Variants in EVA1A observed in about 807,000 individuals in gnomAD.
The protein encoded by EVA1A is protein eva-1 homolog A.
Under a neutral mutation model 9.8 loss-of-function variants are expected in EVA1A, and 7 were observed. That is an observed-to-expected ratio of 0.71 (90% confidence interval 0.41 to 1.34). The LOEUF is 1.34. EVA1A is among the 40% of genes most tolerant of loss of function. The pLI is 0.01. For missense variants in EVA1A, 206 were observed against 205.9 expected (o/e 1.00, Z 0.00); for synonymous variants, 90 against 85.6 (o/e 1.05, Z -0.28).
At chr2:75,553,692 A>C (rs1159930829) in intron 1 of EVA1A, among the ~76,000 whole-genome samples, 1 of 152,224 alleles carries the variant, frequency 6.6e-6, no homozygotes, top group East Asian at 1.9e-4. Context: ...CTAAATGTCC[A>C]GTCATTGTCT....
At chr2:75,502,228 C>A (rs1326171565) in intron 3 of EVA1A, among the ~76,000 whole-genome samples, 2 of 152,238 alleles carry the variant, frequency 1.3e-5, no homozygotes, top group Non-Finnish European at 2.9e-5. Context: ...AGGCAGCAAA[C>A]ATAACCCTGT....
At chr2:75,561,328 T>A (rs1192785255), upstream of EVA1A, 3 of 151,290 alleles carry the variant, frequency 2.0e-5, no homozygotes, top group African/African-American at 4.9e-5. Context: ...ATTCAGCTAC[T>A]CAACTCAGAC....
intron 2 of EVA1A, among the ~76,000 whole-genome samples, chr2:75,519,376 C>A (rs569628195): frequency 9.2e-5 from 14 of 152,222 alleles, no homozygotes; most frequent in African/African-American, 3.4e-4. Context: ...GCCTGGAGAG[C>A]GGCAGTTCCG....
chr2:75,535,295 C>CAAAAAAAAAAAAAAA (rs3081156), intron 1 of EVA1A, among the ~76,000 whole-genome samples: 1 of 92,534 alleles, frequency 1.1e-5, no homozygotes, highest in East Asian at 3.4e-4. Context: ...ATAGATATGG[C>CAAAAAAAAAAAAAAA]AAAAAAAAAA....
intron 3 of EVA1A, among the ~76,000 whole-genome samples, chr2:75,511,305 A>T (rs369340751): frequency 6.6e-6 from 1 of 152,186 alleles, no homozygotes; most frequent in Non-Finnish European, 1.5e-5. Context: ...CTACAACAGC[A>T]CTTGAACATA....
chr2:75,506,596 G>C (rs1674628653), intron 3 of EVA1A, among the ~76,000 whole-genome samples: 2 of 152,202 alleles, frequency 1.3e-5, no homozygotes. Context: ...TCTGAAACCA[G>C]AGTAGGCACA....
At chr2:75,554,081 C>T (rs541952682) in intron 1 of EVA1A, among the ~76,000 whole-genome samples, 1 of 152,110 alleles carries the variant, frequency 6.6e-6, no homozygotes, top group Non-Finnish European at 1.5e-5. Context: ...TGGAGGTGCC[C>T]AGAGAAAGAC....
chr2:75,555,356 C>G (rs548874439), intron 1 of EVA1A, among the ~76,000 whole-genome samples: 256 of 112,338 alleles, frequency 2.3e-3, no homozygotes, highest in African/African-American at 6.8e-3. Flanking sequence ...CCCCTTCTTT[C>G]CCTCTGTTTC....
At chr2:75,538,712 G>A (rs1034636663) in intron 1 of EVA1A, among the ~76,000 whole-genome samples, 11 of 152,164 alleles carry the variant, frequency 7.2e-5, no homozygotes, top group Non-Finnish European at 1.3e-4. Flanking sequence ...AATTCCAGAG[G>A]ATTATTCTGA....
At chr2:75,510,632 A>G (rs910533685) in intron 3 of EVA1A, among the ~76,000 whole-genome samples, 1 of 152,246 alleles carries the variant, frequency 6.6e-6, no homozygotes, top group African/African-American at 2.4e-5. Context: ...TTGGTTAAAC[A>G]GGGAAAAATA....
intron 1 of EVA1A, among the ~76,000 whole-genome samples, chr2:75,531,547 T>TAA (rs1447789405): frequency 2.6e-5 from 4 of 151,596 alleles, no homozygotes; most frequent in Admixed American, 2.0e-4. Flanking sequence ...TATATATATA[T>TAA]AATATTCTAT....
intron 1 of EVA1A, among the ~76,000 whole-genome samples, chr2:75,567,446 T>A (rs908586277): frequency 6.6e-6 from 1 of 152,228 alleles, no homozygotes; most frequent in Non-Finnish European, 1.5e-5. Flanking sequence ...AAAGACTTAT[T>A]TTCTGTAACT....
At chr2:75,527,226 A>ACTAT (rs1675478523) in intron 1 of EVA1A, among the ~76,000 whole-genome samples, 1 of 152,200 alleles carries the variant, frequency 6.6e-6, no homozygotes, top group Non-Finnish European at 1.5e-5. Flanking sequence ...GATAGCCTAG[A>ACTAT]CTTTCACCCT....
intron 3 of EVA1A, among the ~76,000 whole-genome samples, chr2:75,516,533 C>G (rs1352514347): frequency 6.6e-6 from 1 of 152,206 alleles, no homozygotes; most frequent in Non-Finnish European, 1.5e-5. Flanking sequence ...GACAAGATCA[C>G]AAGACACATG....
At chr2:75,564,653 C>T (rs1026410700), upstream of EVA1A, among the ~76,000 whole-genome samples, 4 of 152,300 alleles carry the variant, frequency 2.6e-5, no homozygotes, top group African/African-American at 4.8e-5. Context: ...GCGCAAATGT[C>T]GTGATGACAA....
chr2:75,568,361 TG>T (rs1247045645), intron 1 of EVA1A, among the ~76,000 whole-genome samples: 10 of 149,998 alleles, frequency 6.7e-5, no homozygotes, highest in Admixed American at 6.7e-4. Context: ...TAAAGGATAT[TG>T]TTTAATATTA....
chr2:75,493,498 C>T lies in EVA1A; in HGVS notation c.197G>A (p.Arg66His), dbSNP rs1674101077. The change falls in exon 4 of 4, where the codon CGT (arginine) becomes CAT (histidine). Residue 66 changes from arginine to histidine, a missense_variant. Arg to His is a conservative substitution (Grantham distance 29). Transcript: ENST00000393913. Reference sequence around the variant, plus strand: ...GTCCTGCAGGAACTTCTTCCCGGGACGCCGCCTGCAGTCTGTGTGGCAAGA... The same window carrying T: ...GTCCTGCAGGAACTTCTTCCCGGGATGCCGCCTGCAGTCTGTGTGGCAAGA... The part of the protein sequence containing the change: ...RISCHTDCRR[R>H]PGKKFLQDRE... 2.5e-6 allele frequency: 4 copies of T among 1,614,218 alleles called. No homozygotes were observed. The highest frequency in any genetic ancestry group is 3.4e-6 in the Non-Finnish European group (4 of 1,180,040).
chr2:75,494,247 T>A (rs929852419), intron 3 of EVA1A, among the ~76,000 whole-genome samples: 1 of 152,272 alleles, frequency 6.6e-6, no homozygotes, highest in South Asian at 2.1e-4. Flanking sequence ...AATCCACATA[T>A]AAGGAGTGTC....
chr2:75,569,292 C>T (rs145143454), intron 1 of EVA1A, among the ~76,000 whole-genome samples: 2 of 152,222 alleles, frequency 1.3e-5, no homozygotes, highest in East Asian at 1.9e-4. Context: ...CAATCCTCAG[C>T]TCACGGTAGT....
Sources: gnomAD v4.1 joint callset for allele counts (sites outside exome capture counted in the v4.1 genomes callset) on GRCh38, gnomAD v4.1.1 for gene constraint, MANE v1.5 for transcripts, NCBI Gene and HGNC (gene_info 2026-07-23, HGNC 2026-07-21) for gene names.